CHCHD7: variants seen among roughly 807,000 people sequenced by gnomAD.
The protein encoded by CHCHD7 is coiled-coil-helix-coiled-coil-helix domain-containing protein 7.
Under a neutral mutation model 10.5 loss-of-function variants are expected in CHCHD7, and 7 were observed. The ratio of observed to expected loss-of-function variants is 0.67; its 90% confidence interval spans 0.38 to 1.25. The LOEUF (loss-of-function observed/expected upper bound fraction) is 1.25. Among genes scored for constraint, CHCHD7 ranks in the 50% most tolerant of loss-of-function variants. The pLI is 0.02. For synonymous variants in CHCHD7, 40 were observed against 36.0 expected (o/e 1.11, Z -0.40); for missense variants, 100 against 104.5 (o/e 0.96, Z 0.19).
intron 1 of CHCHD7, chr8:56,212,163 C>CAG (rs10690054): frequency 0.064 from 9,756 of 153,606 alleles, 1,033 homozygotes; most frequent in African/African-American, 0.22. Flanking sequence ...GGCATGGTCT[C>CAG]GGCACAGCAA....
intron 1 of CHCHD7, 115 bp from the exon 2 acceptor site, chr8:56,214,479 CCTCA>C (rs1813222398): frequency 7.7e-6 from 5 of 645,638 alleles, no homozygotes; most frequent in Non-Finnish European, 1.4e-5. Context: ...ACATGAAGTT[CCTCA>C]CTAAGTGATC....
In CHCHD7 at chr8:56,217,390, A is replaced by G. The variant is rs777501943; in HGVS notation, c.213A>G (p.Ala71=). The G allele has an allele frequency of 5.0e-5, 81 of 1,612,598 alleles. No homozygotes were observed. In the East Asian group the frequency reaches 1.6e-3, roughly 33 times the overall value. ...TGAAGCCATTTATGCCTACGGCAGC[A>G]GAAAGAGATGAAATCTTGAGAGCAG... ...NGVKPFMPTA[A]ERDEILRAVG... The change falls in exon 4 of 4, where the codon GCA becomes GCG. Residue 71 remains alanine (A), a synonymous_variant. Transcript: ENST00000355315.
At chr8:56,212,731 C>G in intron 1 of CHCHD7, 1 of 683,176 alleles carries the variant, frequency 1.5e-6, no homozygotes, top group Admixed American at 2.4e-5. Flanking sequence ...CCGCTCCTCA[C>G]TGTAAATTGA....
rs770662061 is a variant in CHCHD7 at position 56,217,343 on chromosome 8, A to T, written c.166A>T (p.Met56Leu). 7 of 1,606,372 alleles carry T rather than the reference A, an allele frequency of 4.4e-6. No individual in the cohort carries two copies. The Admixed American group carries it at 6.7e-5, about 15-fold the overall frequency. ...TGCCTGTACACAGAATTCTATCGTG[A>T]TGCAGAGAAGAAAGAACGGAGTGAA... ...NCRRFWNSIV[M>L]QRRKNGVKPF... Residue 56 changes from methionine (M) to leucine (L), a missense_variant, in exon 4 of 4, where the codon ATG becomes TTG. Met to Leu is a conservative substitution (Grantham distance 15, BLOSUM62 2). Transcript: ENST00000355315.
intron 1 of CHCHD7, 27 bp from the exon 2 acceptor site, chr8:56,214,571 A>G: frequency 6.4e-7 from 1 of 1,563,664 alleles, no homozygotes; most frequent in East Asian, 2.2e-5. Flanking sequence ...ACTACTGTAT[A>G]ATTATTTTTT....
chr8:56,217,412 G>A lies in CHCHD7; in HGVS notation c.235G>A (p.Ala79Thr). The change falls in exon 4 of 4, where the codon GCA becomes ACA. Residue 79 changes from alanine to threonine, a missense_variant. Ala to Thr is a moderately conservative substitution (Grantham distance 58, BLOSUM62 0). Coordinates refer to ENST00000355315, the MANE Select transcript of CHCHD7 (RefSeq NM_001011671.3). ...TAAERDEILR[A>T]VGNMPY ...AGCAGAAAGAGATGAAATCTTGAGA[G>A]CAGTGGGAAATATGCCCTATTGAAT... is the stretch of plus-strand genomic sequence containing the variant. The A allele has an allele frequency of 1.2e-6, 2 of 1,604,836 alleles. No individual in the cohort carries two copies. The highest frequency in any genetic ancestry group is 8.5e-7 in the Non-Finnish European group (1 of 1,171,534).
intron 3 of CHCHD7, 137 bp from the exon 4 acceptor site, chr8:56,217,194 G>T: frequency 1.2e-5 from 7 of 561,656 alleles, no homozygotes; most frequent in South Asian, 2.2e-5. Context: ...TTAGGTTTTG[G>T]GATTTTTTTT....
Position 56,217,613 on chromosome 8 carries a change from T to C in CHCHD7, c.*178T>C, listed in dbSNP as rs1813435025. The C allele has an allele frequency of 1.2e-5, 6 of 502,188 alleles. No homozygotes were observed. The highest frequency in any genetic ancestry group is 1.1e-4 in the Admixed American group (3 of 28,048). 31.1% of individuals were successfully genotyped at this position (502,188 alleles called of 1,614,324 possible). A position where few individuals can be genotyped will look rare whatever the true frequency, so the allele number is the denominator to read the frequency against. ...TGCTCTCAGTGCCATGCCGATGGTA[T>C]GTTGCTGTTGGCTGTGTTGTGGCAT... On this transcript the variant is annotated 3_prime_UTR_variant, in exon 4 of 4. Transcript: ENST00000355315.
intron 1 of CHCHD7, 174 bp from the exon 2 acceptor site, chr8:56,214,424 A>G: frequency 2.0e-6 from 1 of 508,460 alleles, no homozygotes; most frequent in South Asian, 3.0e-5. Context: ...ATGGCAATAC[A>G]AAGGAAAAAC....
chr8:56,212,628 G>A, intron 1 of CHCHD7: 1 of 461,406 alleles, frequency 2.2e-6, no homozygotes, highest in Non-Finnish European at 3.9e-6. Context: ...GTTATGCTCT[G>A]CAAGTAGTAG....
chr8:56,212,824 G>A, intron 1 of CHCHD7: 1 of 1,544,778 alleles, frequency 6.5e-7, no homozygotes, highest in African/African-American at 1.4e-5. Flanking sequence ...AGAGTGCCTT[G>A]TATTTAGAAT....
Position 56,216,450 on chromosome 8 carries a change from CA to C in CHCHD7, c.73del (p.Arg25AspfsTer18), listed in dbSNP as rs756903305. 2 of 1,613,852 alleles carry C rather than the reference CA, an allele frequency of 1.2e-6. No homozygotes were observed. Among genetic ancestry groups the C allele is most frequent in the African/African-American group, 2.7e-5 (2 of 74,912 alleles). ...PCLSESDAST[R>X]CLDENNYDRE... Reference sequence around the variant, plus strand: ...TCTGTAAGGAATCTGATGCTTCCACCAGATGTCTGGATGAAAATAACTATGA... The same window carrying C: ...TCTGTAAGGAATCTGATGCTTCCACCGATGTCTGGATGAAAATAACTATGA... On this transcript the variant is annotated frameshift_variant, in exon 3 of 4. Transcript: ENST00000355315. LOFTEE classifies it high-confidence loss of function.
In CHCHD7 at chr8:56,217,752, G is replaced by T. The variant is rs1352236579; in HGVS notation, c.*317G>T. 1 of 259,686 alleles carries T rather than the reference G, an allele frequency of 3.9e-6. No individual in the cohort carries two copies. Among genetic ancestry groups the T allele is most frequent in the Non-Finnish European group, 7.4e-6 (1 of 134,864 alleles). 16.1% of individuals were successfully genotyped at this position (259,686 alleles called of 1,614,324 possible). ...ATGTGAACAAGTAAAGACTGAATGG[G>T]GCTGAGATGAAGGCAATGTTTCCAA... On this transcript the variant is annotated 3_prime_UTR_variant, in exon 4 of 4. Coordinates refer to ENST00000355315, the MANE Select transcript of CHCHD7 (RefSeq NM_001011671.3).
chr8:56,216,125 G>C (rs945818988), intron 2 of CHCHD7, among the ~76,000 whole-genome samples: 2 of 152,164 alleles, frequency 1.3e-5, no homozygotes, highest in Admixed American at 1.3e-4. Flanking sequence ...TTAACACATT[G>C]CACCTTGCCT....
chr8:56,214,814 G>T, intron 2 of CHCHD7, 147 bp downstream of exon 2: 1 of 541,802 alleles, frequency 1.8e-6, no homozygotes, highest in Non-Finnish European at 3.3e-6. Context: ...TTTAACTAGA[G>T]CATTTTTAGA....
intron 1 of CHCHD7, chr8:56,213,132 G>A (rs926062946): frequency 2.8e-6 from 1 of 356,710 alleles, no homozygotes; most frequent in African/African-American, 2.1e-5. Context: ...GAAGGGAAGT[G>A]TGGAAAAAAA....
At chr8:56,214,070 A>G in intron 1 of CHCHD7, 1 of 152,270 alleles carries the variant, frequency 6.6e-6, no homozygotes, top group Non-Finnish European at 1.5e-5. Flanking sequence ...TTATAATTGA[A>G]CTATCTTTCT....
intron 3 of CHCHD7, 124 bp downstream of exon 3, chr8:56,216,655 C>A: frequency 1.0e-6 from 1 of 994,558 alleles, no homozygotes; most frequent in Non-Finnish European, 1.6e-6. Context: ...AACTTTTCAA[C>A]TTTATCCTCT....
intron 3 of CHCHD7, 46 bp downstream of exon 3, chr8:56,216,577 G>A (rs1465574048): frequency 1.2e-6 from 2 of 1,606,536 alleles, no homozygotes; most frequent in African/African-American, 1.3e-5. Context: ...ATCTCCTAGG[G>A]TTGAAACTGA....
Sources: allele counts gnomAD v4.1 joint callset (sites outside exome capture counted in the v4.1 genomes callset), GRCh38; gene constraint gnomAD v4.1.1; transcripts MANE v1.5; gene names NCBI Gene and HGNC (gene_info 2026-07-23, HGNC 2026-07-21).